RAB25: variants seen among roughly 807,000 people sequenced by gnomAD.
The protein encoded by RAB25 is ras-related protein Rab-25.
RAB25 carries 23 observed loss-of-function variants against 25.2 expected under a neutral mutation model. The observed-to-expected ratio is 0.91, with a 90% CI of 0.66 to 1.29. The LOEUF (loss-of-function observed/expected upper bound fraction) is 1.29. Ranked by LOEUF, RAB25 falls within the 50% of genes most tolerant of loss-of-function variation. The pLI is 0.00. For synonymous variants in RAB25, 102 were observed against 111.5 expected, an observed-to-expected ratio of 0.91 and a Z score of 0.54; for missense variants, 244 against 277.3, an observed-to-expected ratio of 0.88 and a Z score of 0.85.
rs769846429 is a variant in RAB25 at position 156,065,991 on chromosome 1, C to CGCACCACCA, written c.125_133dup (p.Thr44_Ile45insSerThrThr). On this transcript the variant is annotated inframe_insertion, in exon 2 of 5. Coordinates refer to ENST00000361084, the MANE Select transcript of RAB25 (RefSeq NM_020387.4). ...GCGCAATGAGTTCAGCCACGACAGC[C>CGCACCACCA]GCACCACCATCGGGGTTGAGTTCTC... The CGCACCACCA allele has an allele frequency of 4.2e-5, 67 of 1,613,898 alleles. No individual in the cohort carries two copies. Among genetic ancestry groups the CGCACCACCA allele is most frequent in the Non-Finnish European group, 5.1e-5 (60 of 1,179,922 alleles).
Position 156,065,921 on chromosome 1 carries a change from C to A in RAB25, c.54C>A (p.Ile18=). 6.3e-7 allele frequency: 1 copy of A among 1,598,324 alleles called. No homozygotes were observed. The highest frequency in any genetic ancestry group is 8.5e-7 in the Non-Finnish European group (1 of 1,169,618). The change falls in exon 2 of 5, where the codon ATC becomes ATA. Residue 18 remains isoleucine, a synonymous_variant. Transcript: ENST00000361084. ...DYNFVFKVVL[I]GESGVGKTNL... is the part of the protein sequence containing the mutation. The stretch of plus-strand genomic sequence containing the variant: ...TCTCCACTCCTTCAGTGGTGCTGAT[C>A]GGCGAATCAGGTGTGGGGAAGACCA...
In RAB25 at chr1:156,063,052, T is replaced by TA. The variant is rs1158919173; in HGVS notation, c.43+1633dup. Among the ~76,000 whole-genome samples the TA allele has an allele frequency of 7.1e-3, 480 of 67,776 alleles. 5 individuals are homozygous for TA. The highest frequency in any genetic ancestry group is 0.014 in the African/African-American group (246 of 17,544). The allele number at this position is 67,776 out of a possible 152,430, so 44.5% of individuals were successfully genotyped here. Reference sequence around the variant, plus strand: ...CTGGGCAACAGAGCAAGACTCTGTCTAAAAAAAAAAAAAAAAAAAAAAAAG... The same window carrying TA: ...CTGGGCAACAGAGCAAGACTCTGTCTAAAAAAAAAAAAAAAAAAAAAAAAAG... On this transcript the variant is annotated intron_variant, in intron 1 of 4. Coordinates refer to ENST00000361084, the MANE Select transcript of RAB25 (RefSeq NM_020387.4).
chr1:156,063,903 A>T (rs1310503069), intron 1 of RAB25, among the ~76,000 whole-genome samples: 7 of 152,268 alleles, frequency 4.6e-5, no homozygotes, highest in Non-Finnish European at 1.0e-4. Flanking sequence ...TTTTAACGAC[A>T]CTGCCTGGCA....
intron 3 of RAB25, among the ~76,000 whole-genome samples, chr1:156,068,984 C>T (rs181291499): frequency 6.6e-5 from 10 of 151,892 alleles, no homozygotes; most frequent in South Asian, 2.1e-4. Flanking sequence ...CCACTGTGCC[C>T]GGCCCGTAGT....
At position 156,061,392 on chromosome 1, in the gene RAB25, G is replaced by A. The variant is rs944674803; in HGVS notation, c.-9G>A. ...CCGAAGACACCTGCACCCTCCATGC[G>A]GAGCCAAGATGGGGAATGGAACTGA... is the stretch of plus-strand genomic sequence containing the variant. On this transcript the variant is annotated 5_prime_UTR_variant, in exon 1 of 5. Coordinates refer to ENST00000361084, the MANE Select transcript of RAB25 (RefSeq NM_020387.4). 2.7e-5 allele frequency: 44 copies of A among 1,613,916 alleles called. No individual in the cohort carries two copies. The East Asian group carries it at 6.2e-4, about 23-fold the overall frequency.
intron 1 of RAB25, among the ~76,000 whole-genome samples, chr1:156,061,786 CTTTTAT>C (rs1647587294): frequency 6.6e-6 from 1 of 152,034 alleles, no homozygotes; most frequent in Non-Finnish European, 1.5e-5. Flanking sequence ...GGACTTCCCT[CTTTTAT>C]TTTTTTTTCT....
intron 2 of RAB25, chr1:156,066,378 T>G (rs549802363): frequency 3.1e-6 from 1 of 323,500 alleles, no homozygotes; most frequent in African/African-American, 2.1e-5. Context: ...TACTTTACAT[T>G]TGGCATTTTA....
chr1:156,062,362 ATG>A (rs1647611303), intron 1 of RAB25, among the ~76,000 whole-genome samples: 1 of 152,042 alleles, frequency 6.6e-6, no homozygotes. Flanking sequence ...GGAAGCATGC[ATG>A]TATCTTTCTA....
chr1:156,067,774 C>T (rs1647784122), intron 2 of RAB25, among the ~76,000 whole-genome samples: 2 of 152,146 alleles, frequency 1.3e-5, no homozygotes, highest in Admixed American at 1.3e-4. Context: ...TTAGTTGAGA[C>T]AAATTTTCAC....
chr1:156,062,671 G>A (rs187199980), intron 1 of RAB25, among the ~76,000 whole-genome samples: 54 of 152,246 alleles, frequency 3.5e-4, no homozygotes, highest in African/African-American at 1.3e-3. Flanking sequence ...AACAATCCCC[G>A]AAAGTCATAT....
chr1:156,069,916 T>C, intron 4 of RAB25, 165 bp downstream of exon 4: 1 of 841,574 alleles, frequency 1.2e-6, no homozygotes, highest in Admixed American at 2.1e-5. Flanking sequence ...TGCCTCCCAC[T>C]CAGTCTGGAG....
At chr1:156,070,013 A>G in intron 4 of RAB25, 147 bp from the exon 5 acceptor site, 1 of 1,276,114 alleles carries the variant, frequency 7.8e-7, no homozygotes, top group Non-Finnish European at 1.1e-6. Flanking sequence ...CCCTATGTCC[A>G]CACTTCATTT....
At chr1:156,061,560 T>G in intron 1 of RAB25, 117 bp downstream of exon 1, 1 of 1,082,676 alleles carries the variant, frequency 9.2e-7, no homozygotes, top group Non-Finnish European at 1.4e-6. Context: ...CTGGGGCTCC[T>G]CATTCCTTCA....
intron 1 of RAB25, among the ~76,000 whole-genome samples, chr1:156,062,860 C>A (rs930819477): frequency 6.6e-6 from 1 of 151,790 alleles, no homozygotes; most frequent in Non-Finnish European, 1.5e-5. Flanking sequence ...TCCAGACCAG[C>A]CTGGCCAACA....
chr1:156,061,379 G>A lies in RAB25; in HGVS notation c.-22G>A, dbSNP rs928803105. 3 of 1,613,476 alleles carry A rather than the reference G, an allele frequency of 1.9e-6. No individual in the cohort carries two copies. The highest frequency in any genetic ancestry group is 2.7e-5 in the African/African-American group (2 of 74,918). On this transcript the variant is annotated 5_prime_UTR_variant, in exon 1 of 5. Transcript: ENST00000361084. ...GTCGCCTCTGTCCCCGAAGACACCT[G>A]CACCCTCCATGCGGAGCCAAGATGG...
At chr1:156,066,639 C>T (rs1647753615) in intron 2 of RAB25, among the ~76,000 whole-genome samples, 1 of 152,202 alleles carries the variant, frequency 6.6e-6, no homozygotes, top group Non-Finnish European at 1.5e-5. Context: ...CCTGACACCA[C>T]ATCCGAAGTG....
chr1:156,070,202 G>T lies in RAB25; in HGVS notation c.557G>T (p.Arg186Leu). The change falls in exon 5 of 5, where the codon CGG becomes CTG. Residue 186 changes from arginine (R) to leucine (L), a missense_variant. Arg to Leu is a moderately radical substitution (Grantham distance 102). Transcript: ENST00000361084. ...TCCAAGCAGAGACAGAACAGCATCCGGACCAATGCCATCACTCTGGGCAGT... is the reference window on the plus strand; with the variant it reads ...TCCAAGCAGAGACAGAACAGCATCCTGACCAATGCCATCACTCTGGGCAGT... Reference protein sequence around the residue: ...KVSKQRQNSIRTNAITLGSAQ... With the variant: ...KVSKQRQNSILTNAITLGSAQ... 7.4e-6 allele frequency: 12 copies of T among 1,614,018 alleles called. No homozygotes were observed. Among genetic ancestry groups the T allele is most frequent in the Non-Finnish European group, 1.0e-5 (12 of 1,179,992 alleles).
In RAB25 at chr1:156,061,172, C is replaced by T; in HGVS notation, c.-229C>T. 1 of 472,130 alleles carries T rather than the reference C, an allele frequency of 2.1e-6. No homozygotes were observed. The highest frequency in any genetic ancestry group is 3.8e-6 in the Non-Finnish European group (1 of 262,474). 29.2% of individuals were successfully genotyped at this position (472,130 alleles called of 1,614,324 possible). Reference sequence around the variant, plus strand: ...CGCTCTTCCTGTTCTCAGCTTCCGTCCTCTCTGCTTCCTTACAGCACCCCC... The same window carrying T: ...CGCTCTTCCTGTTCTCAGCTTCCGTTCTCTCTGCTTCCTTACAGCACCCCC... On this transcript the variant is annotated 5_prime_UTR_variant, in exon 1 of 5. Coordinates refer to ENST00000361084, the MANE Select transcript of RAB25 (RefSeq NM_020387.4).
chr1:156,063,533 CA>C, intron 1 of RAB25, among the ~76,000 whole-genome samples: 1 of 152,330 alleles, frequency 6.6e-6, no homozygotes, highest in East Asian at 1.9e-4. Context: ...AACAGCAACA[CA>C]GGCTGGACAA....
Sources: allele counts gnomAD v4.1 joint callset (sites outside exome capture counted in the v4.1 genomes callset), GRCh38; gene constraint gnomAD v4.1.1; transcripts MANE v1.5; gene names NCBI Gene and HGNC (gene_info 2026-07-23, HGNC 2026-07-21).